The following HECW1 variants were observed in gnomAD, a reference collection of about 807,000 sequenced individuals.
HECW1 encodes E3 ubiquitin-protein ligase HECW1.
A neutral mutation model predicts 182.3 loss-of-function variants in HECW1; 61 were observed. The observed-to-expected ratio is 0.33, with a 90% CI of 0.27 to 0.41. The LOEUF is 0.41. Ranked by LOEUF, HECW1 falls within the 10% of genes least tolerant of loss-of-function variation. The pLI is 1.00. For synonymous variants in HECW1, 859 were observed against 832.6 expected, an observed-to-expected ratio of 1.03 and a Z score of -0.55; for missense variants, 1,739 against 2,108.9, an observed-to-expected ratio of 0.82 and a Z score of 3.44.
At chr7:43,220,736 T>C (rs1293924854) in intron 2 of HECW1, among the ~76,000 whole-genome samples, 2 of 152,226 alleles carry the variant, frequency 1.3e-5, no homozygotes, top group East Asian at 3.9e-4. Context: ...GTTGACGTGT[T>C]GGTGCCTGGG....
intron 22 of HECW1, 134 bp downstream of exon 22, chr7:43,507,391 G>A: frequency 1.2e-6 from 1 of 817,754 alleles, no homozygotes; most frequent in Non-Finnish European, 1.8e-6. Flanking sequence ...AGCGGGGGAA[G>A]AAGGAAGTTG....
rs149635163 is a variant in HECW1 at position 43,354,935 on chromosome 7, A to T, written c.461-5951A>T. Among the ~76,000 whole-genome samples, 21 of 152,116 alleles carry T rather than the reference A, an allele frequency of 1.4e-4. No individual in the cohort carries two copies. In the East Asian group the frequency reaches 2.1e-3, roughly 15 times the overall value. On this transcript the variant is annotated intron_variant, in intron 5 of 29. Transcript: ENST00000395891. Reference sequence around the variant, plus strand: ...CAGCAAGAGAATAAAAGCAAAGAACATATAAAGGAACTCCAGTTCATCAGG... The same window carrying T: ...CAGCAAGAGAATAAAAGCAAAGAACTTATAAAGGAACTCCAGTTCATCAGG...
At chr7:43,116,319 A>G (rs1785045200) in intron 2 of HECW1, among the ~76,000 whole-genome samples, 1 of 152,200 alleles carries the variant, frequency 6.6e-6, no homozygotes, top group South Asian at 2.1e-4. Context: ...TTAGAAGGAA[A>G]CATGGCCCAA....
intron 3 of HECW1, among the ~76,000 whole-genome samples, chr7:43,295,657 C>CGGCAGTG (rs1176052896): frequency 6.6e-6 from 1 of 152,098 alleles, no homozygotes; most frequent in East Asian, 1.9e-4. Context: ...GGGCTGGTGG[C>CGGCAGTG]GGCAGTGGAA....
intron 19 of HECW1, among the ~76,000 whole-genome samples, chr7:43,495,583 T>C (rs2079088316): frequency 6.6e-6 from 1 of 152,212 alleles, no homozygotes; most frequent in Non-Finnish European, 1.5e-5. Context: ...CCTGGTCCTC[T>C]ACTTTGAAAA....
Position 43,238,273 on chromosome 7 carries a change from C to T in HECW1, c.-31-5602C>T, listed in dbSNP as rs1798568484. 2.0e-5 allele frequency among the ~76,000 whole-genome samples: 3 copies of T among 152,184 alleles called. No homozygotes were observed. In the South Asian group the frequency reaches 6.2e-4, roughly 32 times the overall value. On this transcript the variant is annotated intron_variant, in intron 2 of 29. Transcript: ENST00000395891. ...GGTGGGGAGGGGTCCCAGCTCATGG[C>T]CATGATGCTGGCACCAGAGTGGGTG...
chr7:43,138,238 G>A (rs1787784763), intron 2 of HECW1, among the ~76,000 whole-genome samples: 1 of 152,212 alleles, frequency 6.6e-6, no homozygotes, highest in Non-Finnish European at 1.5e-5. Context: ...CAGTTGTTCA[G>A]GAACTATTGG....
intron 13 of HECW1, 130 bp from the exon 14 acceptor site, chr7:43,463,530 A>T: frequency 1.3e-6 from 1 of 797,300 alleles, no homozygotes; most frequent in Non-Finnish European, 2.0e-6. Flanking sequence ...ATCTTGTGGG[A>T]ATTTTAAGCA....
intron 17 of HECW1, among the ~76,000 whole-genome samples, chr7:43,488,478 A>AAGAAAG (rs2078794606): frequency 6.8e-6 from 1 of 147,976 alleles, no homozygotes; most frequent in African/African-American, 2.6e-5. Flanking sequence ...GAAAGAAAGA[A>AAGAAAG]AGAAAGAAAG....
intron 2 of HECW1, among the ~76,000 whole-genome samples, chr7:43,170,910 A>C (rs1482089764): frequency 6.6e-6 from 1 of 152,176 alleles, no homozygotes; most frequent in African/African-American, 2.4e-5. Context: ...ACAGGGAGGA[A>C]AAGAAAAACG....
intron 3 of HECW1, among the ~76,000 whole-genome samples, chr7:43,286,484 G>A (rs997507373): frequency 6.6e-6 from 1 of 151,910 alleles, no homozygotes; most frequent in Non-Finnish European, 1.5e-5. Context: ...TTTTACCCTG[G>A]GAAAGTAAAT....
rs73689977 is a variant in HECW1, at chr7:43,311,811, T to G, written c.76T>G (p.Ser26Ala). Residue 26 changes from serine (S) to alanine (A), a missense_variant, in exon 4 of 30, where the codon TCT becomes GCT. Around this residue, in one of 5 missense-constraint regions of HECW1, gnomAD observed 279 missense variants for 353.1 expected, o/e 0.79. Coordinates refer to ENST00000395891, the MANE Select transcript of HECW1 (RefSeq NM_015052.5). ...AGGCCTGGCCGCCATGGCGTCTCCT[T>G]CTAGAAACTCCCAGAGCCGACGCCG... is the stretch of plus-strand genomic sequence containing the variant. ...FLGLAAMASPSRNSQSRRRCK... is the reference protein window; with the variant it reads ...FLGLAAMASPARNSQSRRRCK... The G allele has an allele frequency of 2.1e-3, 3,448 of 1,614,076 alleles. 64 individuals are homozygous for G. The African/African-American group carries it at 0.041, about 19-fold the overall frequency.
intron 3 of HECW1, among the ~76,000 whole-genome samples, chr7:43,250,312 T>G (rs893028161): frequency 7.9e-5 from 12 of 152,184 alleles, no homozygotes; most frequent in African/African-American, 2.7e-4. Flanking sequence ...TGACACCAAC[T>G]CAGCCTGGCT....
At chr7:43,494,436 A>T (rs2079041463) in intron 19 of HECW1, among the ~76,000 whole-genome samples, 1 of 152,132 alleles carries the variant, frequency 6.6e-6, no homozygotes, top group Non-Finnish European at 1.5e-5. Flanking sequence ...TAAAGCATAG[A>T]TTAAATCATG....
intron 3 of HECW1, among the ~76,000 whole-genome samples, chr7:43,260,771 CA>C (rs1473857560): frequency 1.3e-5 from 2 of 152,086 alleles, no homozygotes; most frequent in African/African-American, 2.4e-5. Context: ...ATGAGGGACA[CA>C]GGGGTATCAA....
chr7:43,518,098 C>T (rs538231146), intron 24 of HECW1, among the ~76,000 whole-genome samples: 6 of 152,176 alleles, frequency 3.9e-5, no homozygotes, highest in Admixed American at 1.3e-4. Flanking sequence ...TATGCATATG[C>T]TAGAACATAA....
intron 3 of HECW1, among the ~76,000 whole-genome samples, chr7:43,269,882 G>C (rs967698321): frequency 3.9e-5 from 6 of 152,164 alleles, no homozygotes; most frequent in Admixed American, 1.3e-4. Context: ...ATGTGTAGAA[G>C]CTAGAAACCC....
At chr7:43,529,894 GA>G (rs1259733302) in intron 24 of HECW1, among the ~76,000 whole-genome samples, 1 of 152,004 alleles carries the variant, frequency 6.6e-6, no homozygotes, top group African/African-American at 2.4e-5. Flanking sequence ...ATGAGCAGCA[GA>G]GACCATCTAA....
intron 24 of HECW1, among the ~76,000 whole-genome samples, chr7:43,513,663 A>C (rs553427599): frequency 6.6e-6 from 1 of 151,838 alleles, no homozygotes; most frequent in South Asian, 2.1e-4. Context: ...CTGGAAAAAA[A>C]AACTGTTTGT....
Sources: allele counts gnomAD v4.1 joint callset (sites outside exome capture counted in the v4.1 genomes callset), GRCh38; gene constraint gnomAD v4.1.1; regional missense constraint gnomAD v4.1.1; transcripts MANE v1.5; gene names NCBI Gene and HGNC (gene_info 2026-07-23, HGNC 2026-07-21).